RIMS1: variants seen among roughly 807,000 people sequenced by gnomAD.
RIMS1 encodes regulating synaptic membrane exocytosis 1, also known as regulating synaptic membrane exocytosis protein 1.
A neutral mutation model predicts 214.1 loss-of-function variants in RIMS1; 83 were observed. The ratio of observed to expected loss-of-function variants is 0.39; its 90% CI spans 0.32 to 0.47. The LOEUF is 0.47. Among genes scored for constraint, RIMS1 ranks in the 20% least tolerant of loss-of-function variants. The probability of loss-of-function intolerance (pLI) is 0.99; values close to 1 mark genes in which losing one functional copy is unlikely to be tolerated. For missense variants in RIMS1, 2,050 were observed against 2,161.8 expected (o/e 0.95, Z 1.03); for synonymous variants, 793 against 786.8 (o/e 1.01, Z -0.13).
chr6:72,341,089 G>C lies in RIMS1; in HGVS notation c.4366+7254G>C, dbSNP rs181805417. Among the ~76,000 whole-genome samples, 185 of 152,022 alleles carry C rather than the reference G, an allele frequency of 1.2e-3. 1 individual carries two copies. The highest frequency in any genetic ancestry group is 3.4e-3 in the Middle Eastern group (1 of 294). ...TCATGATTTGGCTCTCTGTTTGTCTGTTATTGGTGTATAAGAATTCTTGTG... is the reference window on the plus strand; with the variant it reads ...TCATGATTTGGCTCTCTGTTTGTCTCTTATTGGTGTATAAGAATTCTTGTG... On this transcript the variant is annotated intron_variant, in intron 29 of 33. Transcript: ENST00000521978.
At chr6:71,888,397 T>C (rs1768502290) in intron 1 of RIMS1, among the ~76,000 whole-genome samples, 1 of 152,124 alleles carries the variant, frequency 6.6e-6, no homozygotes, top group African/African-American at 2.4e-5. Context: ...AAGGAACCTG[T>C]TGCATCTGGA....
At chr6:72,397,132 A>C (rs1419108239) in intron 31 of RIMS1, among the ~76,000 whole-genome samples, 1 of 152,198 alleles carries the variant, frequency 6.6e-6, no homozygotes, top group Non-Finnish European at 1.5e-5. Context: ...AAAAAACCTG[A>C]GTAGAACTAT....
At chr6:71,898,510 A>G (rs1395281024) in intron 1 of RIMS1, among the ~76,000 whole-genome samples, 3 of 152,162 alleles carry the variant, frequency 2.0e-5, no homozygotes, top group African/African-American at 7.2e-5. Context: ...CCAGGACACA[A>G]CAGCACTGAC....
intron 2 of RIMS1, among the ~76,000 whole-genome samples, chr6:72,048,743 T>C (rs1823776618): frequency 6.6e-6 from 1 of 152,182 alleles, no homozygotes; most frequent in Non-Finnish European, 1.5e-5. Context: ...ATCATGAAAA[T>C]AGGTTGAGAC....
rs185184667 is a variant in RIMS1, at chr6:72,341,728, T to C, written c.4366+7893T>C. Among the ~76,000 whole-genome samples the C allele has an allele frequency of 5.3e-5, 8 of 151,862 alleles. No individual in the cohort carries two copies. In the South Asian group the frequency reaches 6.2e-4, roughly 12 times the overall value. ...CGAAATAATAAAATCTAGTTCTATT[T>C]ATGTATGTTATCAAAGGTAGTGGGG... On this transcript the variant is annotated intron_variant, in intron 29 of 33. Transcript: ENST00000521978.
Position 72,366,773 on chromosome 6 carries a change from CAA to C in RIMS1, c.4367-23824_4367-23823del, listed in dbSNP as rs2098041820. 4.1e-6 allele frequency: 4 copies of C among 985,652 alleles called. No homozygotes were observed. In the South Asian group the frequency reaches 1.9e-4, roughly 46 times the overall value. The allele number at this position is 985,652 out of a possible 1,614,324, so 61.1% of individuals were successfully genotyped here. A position where few individuals can be genotyped will look rare whatever the true frequency, so the allele number is the denominator to read the frequency against. On this transcript the variant is annotated intron_variant, in intron 29 of 33. Transcript: ENST00000521978. ...ACAGATATTCCAGCCAGCCACCGCA[CAA>C]GTTATTTAAACCAGGTCAAAGCTTC...
At chr6:72,396,934 GC>G (rs1240131865) in intron 31 of RIMS1, among the ~76,000 whole-genome samples, 2 of 151,910 alleles carry the variant, frequency 1.3e-5, no homozygotes, top group South Asian at 2.1e-4. Flanking sequence ...AATCGCTTCA[GC>G]CCAGGAGATG....
chr6:72,396,701 G>T (rs1279277662), intron 31 of RIMS1, among the ~76,000 whole-genome samples: 1 of 152,122 alleles, frequency 6.6e-6, no homozygotes, highest in African/African-American at 2.4e-5. Flanking sequence ...AAGGAAAATT[G>T]CTGAATGATA....
Position 72,398,944 on chromosome 6 carries a change from C to T in RIMS1, c.4721-11C>T. 1 of 1,525,822 alleles carries T rather than the reference C, an allele frequency of 6.6e-7. No homozygotes were observed. The allele number at this position is 1,525,822 out of a possible 1,614,324, so 94.5% of individuals were successfully genotyped here. A position where few individuals can be genotyped will look rare whatever the true frequency, so the allele number is the denominator to read the frequency against. On this transcript the variant is annotated splice_polypyrimidine_tract_variant and intron_variant, in intron 32 of 33. Transcript: ENST00000521978. ...GAATAATTTCTTATATGTTAATATACCTTTGTTTAGCTCCATATGTCAAAG... is the reference window on the plus strand; with the variant it reads ...GAATAATTTCTTATATGTTAATATATCTTTGTTTAGCTCCATATGTCAAAG...
At chr6:72,217,981 A>G (rs1207553514) in intron 6 of RIMS1, among the ~76,000 whole-genome samples, 1 of 152,180 alleles carries the variant, frequency 6.6e-6, no homozygotes, top group Non-Finnish European at 1.5e-5. Context: ...TAGGAATGGC[A>G]AAACATTTTT....
At chr6:72,012,504 G>A (rs551568627) in intron 2 of RIMS1, among the ~76,000 whole-genome samples, 1 of 151,962 alleles carries the variant, frequency 6.6e-6, no homozygotes, top group East Asian at 1.9e-4. Context: ...AAATTATGAA[G>A]TTGAAACTTG....
chr6:72,053,505 C>G (rs1379561674), intron 2 of RIMS1, among the ~76,000 whole-genome samples: 1 of 152,110 alleles, frequency 6.6e-6, no homozygotes, highest in Non-Finnish European at 1.5e-5. Context: ...ATAAGATAGA[C>G]AGGAGTAAAG....
intron 1 of RIMS1, among the ~76,000 whole-genome samples, chr6:71,933,523 A>G (rs748093208): frequency 8.5e-5 from 13 of 152,156 alleles, no homozygotes; most frequent in Non-Finnish European, 1.8e-4. Flanking sequence ...GACCATCTGC[A>G]TTACACTGGA....
At chr6:72,324,244 A>C (rs562106938) in intron 28 of RIMS1, among the ~76,000 whole-genome samples, 2 of 152,146 alleles carry the variant, frequency 1.3e-5, no homozygotes, top group African/African-American at 2.4e-5. Context: ...GGTAGTTAAA[A>C]CATATGTAGA....
chr6:72,065,697 T>G (rs1048246163), intron 2 of RIMS1, among the ~76,000 whole-genome samples: 3 of 152,194 alleles, frequency 2.0e-5, no homozygotes, highest in African/African-American at 7.2e-5. Flanking sequence ...GATTCAATTA[T>G]CATGTCCATT....
chr6:72,279,560 A>G (rs2088910841), intron 23 of RIMS1, among the ~76,000 whole-genome samples: 1 of 152,080 alleles, frequency 6.6e-6, no homozygotes. Context: ...CTTTATGAAT[A>G]ATATTGTAAA....
intron 6 of RIMS1, among the ~76,000 whole-genome samples, chr6:72,192,966 C>A (rs538271368): frequency 6.6e-6 from 1 of 152,204 alleles, no homozygotes; most frequent in Non-Finnish European, 1.5e-5. Flanking sequence ...TGCTTTGCAT[C>A]CTTCAATCCA....
At chr6:72,267,303 T>G (rs899140798) in intron 22 of RIMS1, among the ~76,000 whole-genome samples, 1 of 152,094 alleles carries the variant, frequency 6.6e-6, no homozygotes, top group Non-Finnish European at 1.5e-5. Context: ...ATTATTTTCT[T>G]ATATGTTTCT....
intron 1 of RIMS1, among the ~76,000 whole-genome samples, chr6:71,920,148 C>T (rs1357229836): frequency 6.6e-6 from 1 of 152,170 alleles, no homozygotes; most frequent in Non-Finnish European, 1.5e-5. Flanking sequence ...ATAATTGATG[C>T]TTATAATGTT....
Sources: allele counts gnomAD v4.1 joint callset (sites outside exome capture counted in the v4.1 genomes callset), GRCh38; gene constraint gnomAD v4.1.1; transcripts MANE v1.5; gene names NCBI Gene and HGNC (gene_info 2026-07-23, HGNC 2026-07-21).